Variants in F11R observed in about 807,000 individuals in gnomAD.
F11R encodes the protein F11 receptor.
Under a neutral mutation model 39.3 loss-of-function variants are expected in F11R, and 27 were observed. The ratio of observed to expected loss-of-function variants is 0.69; its 90% CI spans 0.51 to 0.95. The LOEUF (loss-of-function observed/expected upper bound fraction) is 0.95. Among genes scored for constraint, F11R ranks in the 40% least tolerant of loss-of-function variants. The pLI is 0.00. For missense variants in F11R, 335 were observed against 372.7 expected, an observed-to-expected ratio of 0.90 and a Z score of 0.83; for synonymous variants, 131 against 144.9, an observed-to-expected ratio of 0.90 and a Z score of 0.69.
chr1:161,012,393 G>A (rs1354774409), intron 1 of F11R, among the ~76,000 whole-genome samples: 7 of 152,060 alleles, frequency 4.6e-5, no homozygotes, highest in Non-Finnish European at 7.3e-5. Flanking sequence ...AGAATCACTT[G>A]AGCCCAGGAG....
At chr1:161,002,157 G>A (rs1165286633) in intron 1 of F11R, among the ~76,000 whole-genome samples, 1 of 151,750 alleles carries the variant, frequency 6.6e-6, no homozygotes, top group Non-Finnish European at 1.5e-5. Flanking sequence ...AGCTACTTGG[G>A]AGGCTGAGGC....
chr1:161,010,180 T>C (rs888514577), intron 1 of F11R, among the ~76,000 whole-genome samples: 13 of 151,860 alleles, frequency 8.6e-5, no homozygotes, highest in African/African-American at 3.1e-4. Flanking sequence ...GCATAGTGGC[T>C]CACACGTGTA....
At chr1:161,001,224 A>C in intron 2 of F11R, 61 bp downstream of exon 2, 1 of 1,601,588 alleles carries the variant, frequency 6.2e-7, no homozygotes, top group Non-Finnish European at 8.5e-7. Context: ...GGTGCTCTCT[A>C]GATCCCCAGG....
Position 160,999,971 on chromosome 1 carries a change from T to C in F11R, c.599A>G (p.Asp200Gly). 6.2e-7 allele frequency: 1 copy of C among 1,614,052 alleles called. No homozygotes were observed. Among genetic ancestry groups the C allele is most frequent in the Non-Finnish European group, 8.5e-7 (1 of 1,179,986 alleles). Residue 200 changes from aspartate to glycine, a missense_variant, in exon 6 of 10, where the codon GAT becomes GGT. Transcript: ENST00000368026. ...LNPTTGELVF[D>G]PLSASDTGEY... is the part of the protein sequence containing the mutation. Reference sequence around the variant, plus strand: ...TCCAGTATCAGAGGCTGACAGGGGATCAAAGACCTGAGGAAGGAAAACAAA... The same window carrying C: ...TCCAGTATCAGAGGCTGACAGGGGACCAAAGACCTGAGGAAGGAAAACAAA...
At chr1:161,020,610 G>T (rs1334875540) in intron 1 of F11R, among the ~76,000 whole-genome samples, 1 of 152,226 alleles carries the variant, frequency 6.6e-6, no homozygotes, top group Non-Finnish European at 1.5e-5. Context: ...GCGCAGCGGG[G>T]TTCGTGGATG....
intron 4 of F11R, 30 bp from the exon 5 acceptor site, chr1:161,000,378 G>A: frequency 6.2e-7 from 1 of 1,606,870 alleles, no homozygotes. Flanking sequence ...AAGGTGCTGA[G>A]TACAGGGTGG....
intron 4 of F11R, 141 bp downstream of exon 4, chr1:161,000,490 T>C: frequency 7.1e-7 from 1 of 1,411,118 alleles, no homozygotes; most frequent in South Asian, 1.3e-5. Context: ...AACCAGGGGC[T>C]CATCTCCCTC....
rs200461325 is a variant in F11R at position 161,000,295 on chromosome 1, G to T, written c.442C>A (p.Arg148=). The stretch of plus-strand genomic sequence containing the variant: ...TGTTCTGAGCATGTCAGCACTGCCC[G>T]GTTCCCAATGGTGGCAGAGGAGGGG... ...NIPSSATIGN[R]AVLTCSEQDG... The change falls in exon 5 of 10, where the codon CGG becomes AGG. Residue 148 remains arginine (R), a synonymous_variant. Transcript: ENST00000368026. 3 of 1,614,142 alleles carry T rather than the reference G, an allele frequency of 1.9e-6. No homozygotes were observed. The Admixed American group carries it at 5.0e-5, about 27-fold the overall frequency.
In F11R at chr1:160,998,623, A is replaced by G; in HGVS notation, c.*248T>C. 1 of 589,832 alleles carries G rather than the reference A, an allele frequency of 1.7e-6. No individual in the cohort carries two copies. The highest frequency in any genetic ancestry group is 3.0e-6 in the Non-Finnish European group (1 of 331,938). 36.5% of individuals were successfully genotyped at this position (589,832 alleles called of 1,614,324 possible). A position where few individuals can be genotyped will look rare whatever the true frequency, so the allele number is the denominator to read the frequency against. Reference sequence around the variant, plus strand: ...ACCCAGGATTCCTTCCTGATCCCTCAAAGAAATGGGGAATAAACACTTTAA... The same window carrying G: ...ACCCAGGATTCCTTCCTGATCCCTCGAAGAAATGGGGAATAAACACTTTAA... On this transcript the variant is annotated 3_prime_UTR_variant, in exon 10 of 10. Coordinates refer to ENST00000368026, the MANE Select transcript of F11R (RefSeq NM_016946.6).
chr1:161,000,758 C>A lies in F11R; in HGVS notation c.261G>T (p.Val87=). ...NKITASYEDR[V]TFLPTGITFK... Reference sequence around the variant, plus strand: ...AGGTGATACCAGTTGGCAAGAAGGTCACCCGGTCCTCATAGGAAGCTACCA... The same window carrying A: ...AGGTGATACCAGTTGGCAAGAAGGTAACCCGGTCCTCATAGGAAGCTACCA... Residue 87 remains valine (V), a synonymous_variant, in exon 4 of 10, where the codon GTG becomes GTT. Transcript: ENST00000368026. 1.2e-6 allele frequency: 2 copies of A among 1,614,110 alleles called. No individual in the cohort carries two copies. Among genetic ancestry groups the A allele is most frequent in the South Asian group, 1.1e-5 (1 of 91,058 alleles).
intron 1 of F11R, among the ~76,000 whole-genome samples, chr1:161,011,535 C>G (rs1159983944): frequency 6.6e-6 from 1 of 151,940 alleles, no homozygotes; most frequent in East Asian, 1.9e-4. Context: ...TCAGGACCAG[C>G]CTGGCCAAGA....
At chr1:161,014,512 T>C (rs1310036005) in intron 1 of F11R, among the ~76,000 whole-genome samples, 1 of 152,184 alleles carries the variant, frequency 6.6e-6, no homozygotes, top group Non-Finnish European at 1.5e-5. Flanking sequence ...AAGACCAGCC[T>C]GTACAACAGA....
chr1:161,013,899 A>G (rs1649304711), intron 1 of F11R, among the ~76,000 whole-genome samples: 1 of 152,170 alleles, frequency 6.6e-6, no homozygotes, highest in South Asian at 2.1e-4. Flanking sequence ...GACTTACTTC[A>G]GGGGCCCAGC....
At chr1:161,004,686 G>C (rs1276538822) in intron 1 of F11R, among the ~76,000 whole-genome samples, 1 of 151,484 alleles carries the variant, frequency 6.6e-6, no homozygotes. Context: ...TCCAGCCTGG[G>C]TGCCTGGGTG....
chr1:161,014,376 G>A (rs1649334556), intron 1 of F11R, among the ~76,000 whole-genome samples: 1 of 152,158 alleles, frequency 6.6e-6, no homozygotes, highest in African/African-American at 2.4e-5. Context: ...GGAGGGGGGT[G>A]GGATGTATCC....
rs968611470 is a variant in F11R, at chr1:161,016,787, A to C, written c.64+4223T>G. Among the ~76,000 whole-genome samples, 63 of 152,336 alleles carry C rather than the reference A, an allele frequency of 4.1e-4. No homozygotes were observed. The Middle Eastern group carries it at 0.01, about 25-fold the overall frequency. ...ACCAGTTTCTAGTTTGGAGGGAACA[A>C]TTCACTCCTGGGAGTAGAGGGAGAG... is the stretch of plus-strand genomic sequence containing the variant. On this transcript the variant is annotated intron_variant, in intron 1 of 9. Coordinates refer to ENST00000368026, the MANE Select transcript of F11R (RefSeq NM_016946.6).
In F11R at chr1:160,996,499, G is replaced by A. The variant is rs555654507; in HGVS notation, c.*2372C>T. On this transcript the variant is annotated 3_prime_UTR_variant, in exon 10 of 10. Coordinates refer to ENST00000368026, the MANE Select transcript of F11R (RefSeq NM_016946.6). ...AATCTCATCCTTGGCTAGGCACGGTGGCTCACATCTGTAATCCCATCACTT... is the reference window on the plus strand; with the variant it reads ...AATCTCATCCTTGGCTAGGCACGGTAGCTCACATCTGTAATCCCATCACTT... The A allele has an allele frequency of 3.3e-5, 5 of 152,400 alleles. No individual in the cohort carries two copies. Among genetic ancestry groups the A allele is most frequent in the East Asian group, 3.8e-4 (2 of 5,252 alleles). 9.4% of individuals were successfully genotyped at this position (152,400 alleles called of 1,614,324 possible).
intron 1 of F11R, among the ~76,000 whole-genome samples, chr1:161,005,317 T>C (rs1648740846): frequency 6.8e-6 from 1 of 146,086 alleles, no homozygotes; most frequent in Admixed American, 6.8e-5. Flanking sequence ...ACCTCCCCTA[T>C]CTCCTCCCTC....
chr1:161,020,183 G>A (rs145229670), intron 1 of F11R, among the ~76,000 whole-genome samples: 1 of 152,254 alleles, frequency 6.6e-6, no homozygotes, highest in Non-Finnish European at 1.5e-5. Context: ...GCATGCCCTA[G>A]CAAGTGAGCC....
Sources: allele counts gnomAD v4.1 joint callset (sites outside exome capture counted in the v4.1 genomes callset), GRCh38; gene constraint gnomAD v4.1.1; transcripts MANE v1.5; gene names NCBI Gene and HGNC (gene_info 2026-07-23, HGNC 2026-07-21).